The following USP6NL variants were observed in gnomAD, a reference collection of about 807,000 sequenced individuals.
The protein encoded by USP6NL is USP6 N-terminal like.
A neutral mutation model predicts 61.9 loss-of-function variants in USP6NL; 26 were observed. The ratio of observed to expected loss-of-function variants is 0.42; its 90% CI spans 0.31 to 0.58. The LOEUF is 0.58. Among genes scored for constraint, USP6NL ranks in the 20% least tolerant of loss-of-function variants. USP6NL has a pLI of 0.16. For missense variants in USP6NL, 1,114 were observed against 1,034.3 expected (o/e 1.08, Z -1.06); for synonymous variants, 432 against 390.1 (o/e 1.11, Z -1.27).
intron 4 of USP6NL, among the ~76,000 whole-genome samples, chr10:11,521,354 A>T (rs967464238): frequency 4.1e-5 from 6 of 146,816 alleles, no homozygotes; most frequent in African/African-American, 1.5e-4. Context: ...TTATTATATT[A>T]TATACATATA....
chr10:11,509,156 T>C (rs1834590359), intron 6 of USP6NL, among the ~76,000 whole-genome samples: 1 of 152,224 alleles, frequency 6.6e-6, no homozygotes, highest in Non-Finnish European at 1.5e-5. Context: ...TGCTCCTGCT[T>C]GAGGGAATGC....
intron 2 of USP6NL, among the ~76,000 whole-genome samples, chr10:11,541,805 CAAG>C (rs1346245024): frequency 6.6e-6 from 1 of 152,022 alleles, no homozygotes; most frequent in African/African-American, 2.4e-5. Context: ...CAAAATTAAA[CAAG>C]AAAAGCCACA....
In USP6NL at chr10:11,591,161, T is replaced by A. The variant is rs1373175568; in HGVS notation, c.4+6470A>T. On this transcript the variant is annotated intron_variant, in intron 2 of 14. Coordinates refer to ENST00000609104, the MANE Select transcript of USP6NL (RefSeq NM_014688.5). The surrounding 1 kb of genome is among the most constrained non-coding windows in gnomAD (Gnocchi z 4.7). ...AAGCCAGGGTTCCACCTCAAGTCTC[T>A]GGGACTCTGGGAACATAAAGAGGCC... 6.6e-6 allele frequency among the ~76,000 whole-genome samples: 1 copy of A among 152,146 alleles called. No individual in the cohort carries two copies.
At chr10:11,571,060 T>A (rs1354252029) in intron 2 of USP6NL, among the ~76,000 whole-genome samples, 1 of 151,254 alleles carries the variant, frequency 6.6e-6, no homozygotes, top group Non-Finnish European at 1.5e-5. Context: ...TTCACTTTTA[T>A]AATTTCCCTC....
At position 11,463,103 on chromosome 10, in the gene USP6NL, G is replaced by C; in HGVS notation, c.1825C>G (p.Pro609Ala). 1 of 1,614,018 alleles carries C rather than the reference G, an allele frequency of 6.2e-7. No individual in the cohort carries two copies. The highest frequency in any genetic ancestry group is 8.5e-7 in the Non-Finnish European group (1 of 1,179,894). ...VSNKFTFKVQPPSHARYPSQL... is the reference protein window; with the variant it reads ...VSNKFTFKVQAPSHARYPSQL... ...GACGGATATCGTGCATGACTTGGAG[G>C]CTGTACTTTAAAAGTAAACTTGTTG... The change falls in exon 15 of 15, where the codon CCT (proline) becomes GCT (alanine). Residue 609 changes from proline to alanine, a missense_variant. Transcript: ENST00000609104. The surrounding 1 kb of genome is among the most constrained non-coding windows in gnomAD (Gnocchi z 6.3).
intron 2 of USP6NL, among the ~76,000 whole-genome samples, chr10:11,594,534 A>G (rs1340312219): frequency 6.6e-6 from 1 of 152,172 alleles, no homozygotes; most frequent in Non-Finnish European, 1.5e-5. Context: ...CTGGACCCCA[A>G]TTTCGTCTCC....
chr10:11,468,662 A>G lies in USP6NL; in HGVS notation c.1079-4813T>C, dbSNP rs966089890. ...GGGAGTGGAGGGGAGGAGGTGTGGG[A>G]AAAATGCGGAACACCTTTGAGGAAA... On this transcript the variant is annotated intron_variant, in intron 14 of 14. Coordinates refer to ENST00000609104, the MANE Select transcript of USP6NL (RefSeq NM_014688.5). The surrounding 1 kb of genome is among the most constrained non-coding windows in gnomAD (Gnocchi z 4.5). 1.3e-5 allele frequency among the ~76,000 whole-genome samples: 2 copies of G among 152,256 alleles called. No individual in the cohort carries two copies. Among genetic ancestry groups the G allele is most frequent in the South Asian group, 2.1e-4 (1 of 4,834 alleles).
intron 2 of USP6NL, among the ~76,000 whole-genome samples, chr10:11,534,378 AAG>A (rs1835760741): frequency 6.6e-6 from 1 of 152,248 alleles, no homozygotes; most frequent in Non-Finnish European, 1.5e-5. Context: ...CAAAATAAGA[AAG>A]AGAGGCAAAA....
At chr10:11,539,569 C>T (rs1389377392) in intron 2 of USP6NL, among the ~76,000 whole-genome samples, 1 of 152,242 alleles carries the variant, frequency 6.6e-6, no homozygotes, top group Non-Finnish European at 1.5e-5. Context: ...CATATGAGTG[C>T]AATCCCACAT....
chr10:11,542,496 A>T (rs1330599848), intron 2 of USP6NL, among the ~76,000 whole-genome samples: 1 of 152,224 alleles, frequency 6.6e-6, no homozygotes. Flanking sequence ...AGGCAGGTAG[A>T]TCACCTAAGG....
chr10:11,463,020 G>A lies in USP6NL; in HGVS notation c.1908C>T (p.Pro636=), dbSNP rs558482149. The A allele has an allele frequency of 3.2e-5, 52 of 1,613,922 alleles. No homozygotes were observed. Among genetic ancestry groups the A allele is most frequent in the East Asian group, 1.1e-4 (5 of 44,882 alleles). Residue 636 remains proline (P), a synonymous_variant, in exon 15 of 15, where the codon CCC becomes CCT. Coordinates refer to ENST00000609104, the MANE Select transcript of USP6NL (RefSeq NM_014688.5). This position sits in a 1 kb window ranked among gnomAD's most constrained non-coding sequence, Gnocchi z 6.3. ...GTTTGGGAGAGTTTCCGTGGTAAAC[G>A]GGGGGATTGCTGTAGGAGGGGGGAT... ...LAHPPSYSNP[P]VYHGNSPKHF...
At chr10:11,609,463 A>T (rs919072812) in intron 1 of USP6NL, among the ~76,000 whole-genome samples, 4 of 152,026 alleles carry the variant, frequency 2.6e-5, no homozygotes, top group Admixed American at 1.3e-4. Flanking sequence ...AGAATGGTTA[A>T]AAAAAATCGT....
At chr10:11,516,388 A>C (rs1834959311) in intron 5 of USP6NL, among the ~76,000 whole-genome samples, 1 of 152,206 alleles carries the variant, frequency 6.6e-6, no homozygotes, top group African/African-American at 2.4e-5. Flanking sequence ...ACTTTATTCC[A>C]TTTTAAAAAT....
In USP6NL at chr10:11,519,085, G is replaced by A. The variant is rs1835093071; in HGVS notation, c.156-511C>T. On this transcript the variant is annotated intron_variant, in intron 4 of 14. Transcript: ENST00000609104. ...TTTTCACAACGATAGCTCTGATGTTGTAGTACAAAAGCAACCACAGACACT... is the reference window on the plus strand; with the variant it reads ...TTTTCACAACGATAGCTCTGATGTTATAGTACAAAAGCAACCACAGACACT... 2.7e-5 allele frequency among the ~76,000 whole-genome samples: 4 copies of A among 149,498 alleles called. No individual in the cohort carries two copies. The South Asian group carries it at 8.4e-4, about 31-fold the overall frequency.
In USP6NL at chr10:11,531,668, T is replaced by TAA. The variant is rs71511388; in HGVS notation, c.5-4103_5-4102dup. On this transcript the variant is annotated intron_variant, in intron 2 of 14. Transcript: ENST00000609104. ...CTCTCATTTCACCAGGATGTTTGTT[T>TAA]AAAAAAAAAAAAAAAACTACATTAT... Among the ~76,000 whole-genome samples the TAA allele has an allele frequency of 4.5e-3, 616 of 137,144 alleles. 7 individuals carry two copies. The highest frequency in any genetic ancestry group is 6.7e-3 in the East Asian group (32 of 4,776). 90.0% of individuals were successfully genotyped at this position (137,144 alleles called of 152,430 possible). A position where few individuals can be genotyped will look rare whatever the true frequency, so the allele number is the denominator to read the frequency against.
chr10:11,604,874 G>A (rs1028641054), intron 1 of USP6NL, among the ~76,000 whole-genome samples: 1 of 151,966 alleles, frequency 6.6e-6, no homozygotes, highest in Non-Finnish European at 1.5e-5. Flanking sequence ...TGTAATAAAA[G>A]GTAGTCTTCT....
chr10:11,478,290 T>C lies in USP6NL; in HGVS notation c.1078+3480A>G, dbSNP rs1833052210. 6.6e-6 allele frequency among the ~76,000 whole-genome samples: 1 copy of C among 152,206 alleles called. No homozygotes were observed. The highest frequency in any genetic ancestry group is 2.4e-5 in the African/African-American group (1 of 41,458). On this transcript the variant is annotated intron_variant, in intron 14 of 14. Transcript: ENST00000609104. The surrounding 1 kb of genome is among the most constrained non-coding windows in gnomAD (Gnocchi z 6.8). ...ACCTGAGGCTGTGGAGAAATGGCAG[T>C]TCTGTAGCACACCTGTGGTTGTCCA...
Position 11,462,026 on chromosome 10 carries a change from T to G in USP6NL, c.*415A>C, listed in dbSNP as rs564586661. ...AAATGTGGATGAACAGATGCCTATA[T>G]CTATTAAAAGACACATACACTACAT... On this transcript the variant is annotated 3_prime_UTR_variant, in exon 15 of 15. Coordinates refer to ENST00000609104, the MANE Select transcript of USP6NL (RefSeq NM_014688.5). 8 of 160,224 alleles carry G rather than the reference T, an allele frequency of 5.0e-5. No individual in the cohort carries two copies. The East Asian group carries it at 1.5e-3, about 29-fold the overall frequency. 9.9% of individuals were successfully genotyped at this position (160,224 alleles called of 1,614,324 possible).
chr10:11,550,988 G>T (rs1836460238), intron 2 of USP6NL, among the ~76,000 whole-genome samples: 1 of 152,126 alleles, frequency 6.6e-6, no homozygotes, highest in Non-Finnish European at 1.5e-5. Context: ...ATCAAGTGCT[G>T]CTAAGGATAT....
Sources: allele counts gnomAD v4.1 joint callset (sites outside exome capture counted in the v4.1 genomes callset), GRCh38; gene constraint gnomAD v4.1.1; non-coding constraint Gnocchi (gnomAD v3.1); transcripts MANE v1.5; gene names NCBI Gene and HGNC (gene_info 2026-07-23, HGNC 2026-07-21).